Variants in CTR9 observed in about 807,000 individuals in gnomAD.
The protein encoded by CTR9 is CTR9 component of Paf1/RNA polymerase II complex.
CTR9 carries 41 observed loss-of-function variants against 152.1 expected under a neutral mutation model. That is an observed-to-expected ratio of 0.27 (90% confidence interval 0.21 to 0.35). The LOEUF (loss-of-function observed/expected upper bound fraction) is 0.35, where lower values mean the gene tolerates loss of function less well. Ranked by LOEUF, CTR9 falls within the 10% of genes least tolerant of loss-of-function variation. The probability of loss-of-function intolerance (pLI) is 1.00; values close to 1 mark genes in which losing one functional copy is unlikely to be tolerated. For missense variants in CTR9, 917 were observed against 1,424.4 expected, an observed-to-expected ratio of 0.64 and a Z score of 5.73; for synonymous variants, 476 against 496.2, an observed-to-expected ratio of 0.96 and a Z score of 0.54.
intron 2 of CTR9, among the ~76,000 whole-genome samples, chr11:10,754,238 A>G (rs1862849594): frequency 6.6e-6 from 1 of 152,232 alleles, no homozygotes; most frequent in Non-Finnish European, 1.5e-5. Context: ...CCCAAATCAC[A>G]GATAATTTTT....
intron 1 of CTR9, 104 bp from the exon 2 acceptor site, chr11:10,752,568 G>GT: frequency 1.3e-6 from 1 of 765,132 alleles, no homozygotes; most frequent in Non-Finnish European, 2.3e-6. Flanking sequence ...AAGTGAACAC[G>GT]TACTCTATGT....
intron 19 of CTR9, 43 bp downstream of exon 19, chr11:10,771,659 G>A: frequency 7.0e-7 from 1 of 1,428,472 alleles, no homozygotes. Flanking sequence ...GTGAGGCAGT[G>A]ATATTTACAT....
chr11:10,758,456 T>C (rs1053681172), intron 5 of CTR9, among the ~76,000 whole-genome samples: 1 of 152,162 alleles, frequency 6.6e-6, no homozygotes, highest in Non-Finnish European at 1.5e-5. Flanking sequence ...GTACCTATGA[T>C]GTATAAGACA....
intron 23 of CTR9, 75 bp downstream of exon 23, chr11:10,775,378 C>T: frequency 1.4e-6 from 2 of 1,434,808 alleles, no homozygotes; most frequent in South Asian, 1.2e-5. Context: ...TACATTCTTT[C>T]CTTGCAGCTT....
chr11:10,754,345 A>T (rs2135355120), intron 2 of CTR9, among the ~76,000 whole-genome samples: 1 of 152,332 alleles, frequency 6.6e-6, no homozygotes, highest in Middle Eastern at 3.4e-3. Flanking sequence ...TGAAAATTTT[A>T]GTTAGAAATC....
chr11:10,773,928 A>T (rs1863187053), intron 21 of CTR9, 84 bp from the exon 22 acceptor site: 1 of 804,500 alleles, frequency 1.2e-6, no homozygotes, highest in Non-Finnish European at 1.9e-6. Flanking sequence ...ATGACAATGG[A>T]TATGGCCCCT....
chr11:10,764,566 T>C lies in CTR9; in HGVS notation c.1432T>C (p.Leu478=), dbSNP rs1394773605. The C allele has an allele frequency of 2.5e-6, 4 of 1,611,092 alleles. No individual in the cohort carries two copies. The highest frequency in any genetic ancestry group is 1.1e-5 in the South Asian group (1 of 90,884). The change falls in exon 12 of 25, where the codon TTG becomes CTG. Residue 478 remains leucine (L), a synonymous_variant. Coordinates refer to ENST00000361367, the MANE Select transcript of CTR9 (RefSeq NM_014633.5). ...GEAKKYFLAS[L]DRAKAEAEHD... is the part of the protein sequence containing the mutation. ...CTCATAGAAATATTTTTTGGCGTCA[T>C]TGGACCGTGCAAAAGCAGAAGCGGA...
At chr11:10,756,004 GGCATGGTATAATCTCA>G in intron 4 of CTR9, among the ~76,000 whole-genome samples, 1 of 152,288 alleles carries the variant, frequency 6.6e-6, no homozygotes, top group South Asian at 2.1e-4. Context: ...ATTTAGGCCA[GGCATGGTATAATCTCA>G]GCACTTTGAG....
chr11:10,778,758 T>G lies in CTR9; in HGVS notation c.3175T>G (p.Ser1059Ala). The G allele has an allele frequency of 6.2e-7, 1 of 1,614,052 alleles. No individual in the cohort carries two copies. The change falls in exon 25 of 25, where the codon TCC becomes GCC. Residue 1059 changes from serine to alanine, a missense_variant. Physicochemically the swap from Ser to Ala is moderately conservative, Grantham distance 99. Coordinates refer to ENST00000361367, the MANE Select transcript of CTR9 (RefSeq NM_014633.5). Reference sequence around the variant, plus strand: ...GAAATGTGCCTCATCAGAGAGTGATTCCGATGAGAACCAGAACAAGTCTGG... The same window carrying G: ...GAAATGTGCCTCATCAGAGAGTGATGCCGATGAGAACCAGAACAAGTCTGG... ...RKKCASSESD[S>A]DENQNKSGSE...
intron 4 of CTR9, 29 bp from the exon 5 acceptor site, chr11:10,756,720 A>T: frequency 6.7e-7 from 1 of 1,498,020 alleles, no homozygotes. Flanking sequence ...TTAATCAGAC[A>T]CTGTGTTTAT....
chr11:10,770,991 G>A (rs766712034), intron 18 of CTR9, among the ~76,000 whole-genome samples: 21 of 152,192 alleles, frequency 1.4e-4, no homozygotes, highest in Non-Finnish European at 2.4e-4. Flanking sequence ...GGACACTTAC[G>A]TTGGTCTTCC....
At chr11:10,766,627 C>T in intron 13 of CTR9, 137 bp downstream of exon 13, 4 of 609,544 alleles carry the variant, frequency 6.6e-6, no homozygotes, top group Non-Finnish European at 1.1e-5. Flanking sequence ...TTGTTAGATA[C>T]TAAAAATGTA....
In CTR9 at chr11:10,778,804, G is replaced by A. The variant is rs750516152; in HGVS notation, c.3221G>A (p.Arg1074Gln). ...TCTGGCAGCGAGGCCGGCAGTCCCC[G>A]GAGGCCACGAAGACAGCGGTCAGAT... ...NKSGSEAGSP[R>Q]RPRRQRSDQD... The change falls in exon 25 of 25, where the codon CGG becomes CAG. Residue 1074 changes from arginine (R) to glutamine (Q), a missense_variant. Physicochemically the swap from Arg to Gln is conservative, Grantham distance 43 (BLOSUM62 1). This residue lies in a region of CTR9 where 384 missense variants were observed against 398.4 expected (regional missense o/e 0.96). Transcript: ENST00000361367. The A allele has an allele frequency of 8.7e-6, 14 of 1,614,070 alleles. No individual in the cohort carries two copies. The highest frequency in any genetic ancestry group is 4.5e-5 in the East Asian group (2 of 44,890).
intron 4 of CTR9, 109 bp from the exon 5 acceptor site, chr11:10,756,640 C>T: frequency 1.5e-6 from 1 of 682,594 alleles, no homozygotes; most frequent in East Asian, 2.9e-5. Flanking sequence ...TCTGTGTTTT[C>T]AAGTATTTCT....
At chr11:10,754,874 A>G in intron 2 of CTR9, 84 bp from the exon 3 acceptor site, 2 of 1,400,892 alleles carry the variant, frequency 1.4e-6, no homozygotes, top group South Asian at 1.4e-5. Flanking sequence ...TGTTATTACA[A>G]ATAAAGCTGC....
chr11:10,751,309 A>C lies in CTR9; in HGVS notation c.-104A>C. On this transcript the variant is annotated 5_prime_UTR_variant, in exon 1 of 25. Coordinates refer to ENST00000361367, the MANE Select transcript of CTR9 (RefSeq NM_014633.5). Reference sequence around the variant, plus strand: ...CCAGCGGCGCCGCGGGGCGGCAGTCAAGACCAGAGCCGGAGCCGTCACTCA... The same window carrying C: ...CCAGCGGCGCCGCGGGGCGGCAGTCCAGACCAGAGCCGGAGCCGTCACTCA... 1 of 1,264,708 alleles carries C rather than the reference A, an allele frequency of 7.9e-7. No individual in the cohort carries two copies. Among genetic ancestry groups the C allele is most frequent in the Non-Finnish European group, 1.1e-6 (1 of 874,526 alleles). The allele number at this position is 1,264,708 out of a possible 1,614,324, so 78.3% of individuals were successfully genotyped here. A position where few individuals can be genotyped will look rare whatever the true frequency, so the allele number is the denominator to read the frequency against.
In CTR9 at chr11:10,766,737, A is replaced by G. The variant is rs7112328; in HGVS notation, c.1686+247A>G. On this transcript the variant is annotated intron_variant, in intron 13 of 24. Transcript: ENST00000361367. ...TTTCCTTCTTCCCTTCCCCCATCCCATCCTTTCACTCCACTTCAACAAATG... is the reference window on the plus strand; with the variant it reads ...TTTCCTTCTTCCCTTCCCCCATCCCGTCCTTTCACTCCACTTCAACAAATG... 1 allele frequency among the ~76,000 whole-genome samples: 152,250 copies of G among 152,294 alleles called. 76,103 individuals are homozygous for G. The highest frequency in any genetic ancestry group is 1 in the Middle Eastern group (294 of 294).
intron 5 of CTR9, 87 bp from the exon 6 acceptor site, chr11:10,760,086 C>T: frequency 2.0e-6 from 3 of 1,465,842 alleles, no homozygotes; most frequent in Non-Finnish European, 2.8e-6. Flanking sequence ...GATTTTGCAA[C>T]TCATAAATAG....
intron 20 of CTR9, among the ~76,000 whole-genome samples, chr11:10,772,860 C>T (rs1315516766): frequency 6.6e-6 from 1 of 151,986 alleles, no homozygotes; most frequent in Non-Finnish European, 1.5e-5. Flanking sequence ...AACCCCGTCT[C>T]TACTAAAAAT....
Sources: gnomAD v4.1 joint callset for allele counts (sites outside exome capture counted in the v4.1 genomes callset) on GRCh38, gnomAD v4.1.1 for gene constraint, gnomAD v4.1.1 regional missense constraint, MANE v1.5 for transcripts, NCBI Gene and HGNC (gene_info 2026-07-23, HGNC 2026-07-21) for gene names.